The following CAPRIN1 variants were observed in gnomAD, a reference collection of about 807,000 sequenced individuals.
CAPRIN1 encodes the protein cell cycle associated protein 1.
Under a neutral mutation model 100.9 loss-of-function variants are expected in CAPRIN1, and 29 were observed. The observed-to-expected ratio is 0.29, with a 90% CI of 0.21 to 0.39. The LOEUF is 0.39. Among genes scored for constraint, CAPRIN1 ranks in the 10% least tolerant of loss-of-function variants. The pLI is 1.00. For missense variants in CAPRIN1, 795 were observed against 876.7 expected (o/e 0.91, Z 1.18); for synonymous variants, 338 against 307.5 (o/e 1.10, Z -1.04).
intron 2 of CAPRIN1, among the ~76,000 whole-genome samples, chr11:34,071,121 G>T (rs752114742): frequency 4.6e-5 from 7 of 152,160 alleles, no homozygotes; most frequent in Non-Finnish European, 1.0e-4. Context: ...TAACCAAATT[G>T]TGGCCCTTAC....
chr11:34,061,578 C>G (rs567478676), intron 2 of CAPRIN1, among the ~76,000 whole-genome samples: 7 of 152,152 alleles, frequency 4.6e-5, no homozygotes, highest in African/African-American at 1.7e-4. Flanking sequence ...CATTCAGCCT[C>G]TGCTTTAACC....
chr11:34,079,947 A>C (rs1209808593), intron 7 of CAPRIN1, among the ~76,000 whole-genome samples, 182 bp downstream of exon 7: 2 of 120,438 alleles, frequency 1.7e-5, no homozygotes, highest in Non-Finnish European at 3.2e-5. Flanking sequence ...TTTTGGAGAC[A>C]GAGTCTCGCT....
intron 2 of CAPRIN1, among the ~76,000 whole-genome samples, chr11:34,058,192 A>G (rs938727232): frequency 1.2e-4 from 19 of 152,190 alleles, no homozygotes; most frequent in Admixed American, 6.5e-5. Flanking sequence ...ACTGGAGTGC[A>G]GTGGTGCAAT....
intron 7 of CAPRIN1, among the ~76,000 whole-genome samples, chr11:34,080,583 AATT>A (rs1471480851): frequency 6.6e-6 from 1 of 152,220 alleles, no homozygotes; most frequent in Admixed American, 6.5e-5. Flanking sequence ...GCACAACACT[AATT>A]ATATAGCTAG....
chr11:34,085,579 G>A (rs1220048921), intron 9 of CAPRIN1, among the ~76,000 whole-genome samples: 4 of 152,296 alleles, frequency 2.6e-5, no homozygotes, highest in Admixed American at 1.3e-4. Flanking sequence ...CAAGGCGGGT[G>A]GGTCACAAGG....
chr11:34,056,527 A>G (rs1219785950), intron 2 of CAPRIN1: 1 of 152,148 alleles, frequency 6.6e-6, no homozygotes, highest in African/African-American at 2.4e-5. Flanking sequence ...GAGAAGAAAT[A>G]CAGCTGTGAT....
intron 2 of CAPRIN1, chr11:34,063,500 T>C (rs1022967540): frequency 3.9e-5 from 6 of 152,212 alleles, no homozygotes; most frequent in Non-Finnish European, 8.8e-5. Context: ...TTAAAAGCAG[T>C]AAAGAAACAG....
chr11:34,086,524 AC>A (rs1428664491), intron 11 of CAPRIN1, 111 bp downstream of exon 11: 4 of 606,928 alleles, frequency 6.6e-6, no homozygotes, highest in Middle Eastern at 3.3e-4. Flanking sequence ...TTTAATTTTG[AC>A]TCTTAGGTCT....
At chr11:34,087,288 G>A (rs17777985) in intron 11 of CAPRIN1, among the ~76,000 whole-genome samples, 7,209 of 145,308 alleles carry the variant, frequency 0.05, 387 homozygotes, top group Non-Finnish European at 0.072. Context: ...GTGTAAGGTA[G>A]TTAGGATTTT....
At chr11:34,063,636 G>C (rs1045373946) in intron 2 of CAPRIN1, among the ~76,000 whole-genome samples, 3 of 152,102 alleles carry the variant, frequency 2.0e-5, no homozygotes, top group African/African-American at 7.2e-5. Flanking sequence ...GGGTAATCTG[G>C]GAAATGGCCT....
At chr11:34,058,836 G>A (rs1198614550) in intron 2 of CAPRIN1, among the ~76,000 whole-genome samples, 8 of 152,138 alleles carry the variant, frequency 5.3e-5, no homozygotes, top group Admixed American at 6.5e-5. Flanking sequence ...GTTGTAGACC[G>A]GAAAAATCTG....
chr11:34,072,150 G>A (rs1850814522), intron 4 of CAPRIN1, among the ~76,000 whole-genome samples, 163 bp downstream of exon 4: 1 of 152,004 alleles, frequency 6.6e-6, no homozygotes, highest in Non-Finnish European at 1.5e-5. Flanking sequence ...ACACCTGAAA[G>A]ATGTCTTTTA....
chr11:34,079,267 G>A (rs1032230875), intron 6 of CAPRIN1, among the ~76,000 whole-genome samples: 5 of 152,128 alleles, frequency 3.3e-5, no homozygotes, highest in African/African-American at 1.2e-4. Flanking sequence ...GGACGTGGTG[G>A]TACACGCCTG....
intron 15 of CAPRIN1, among the ~76,000 whole-genome samples, chr11:34,095,622 T>A (rs1489933854): frequency 2.0e-5 from 3 of 152,270 alleles, no homozygotes; most frequent in Admixed American, 6.5e-5. Flanking sequence ...CAGCAGCTTC[T>A]GACCCTTGTT....
At chr11:34,066,328 T>TTTAG (rs1479968873) in intron 2 of CAPRIN1, among the ~76,000 whole-genome samples, 2 of 151,462 alleles carry the variant, frequency 1.3e-5, no homozygotes, top group African/African-American at 4.9e-5. Flanking sequence ...TTTATTTTTA[T>TTTAG]TTATTTATTT....
At chr11:34,075,232 T>C (rs1010290966) in intron 4 of CAPRIN1, among the ~76,000 whole-genome samples, 2 of 152,118 alleles carry the variant, frequency 1.3e-5, no homozygotes. Context: ...CAGGTCTCCT[T>C]CCCCATTTTT....
intron 15 of CAPRIN1, among the ~76,000 whole-genome samples, chr11:34,092,583 CT>C (rs1180019926): frequency 1.3e-5 from 2 of 152,096 alleles, no homozygotes; most frequent in African/African-American, 4.8e-5. Context: ...TTGTCTTGAA[CT>C]TCTGAGCTCA....
At position 34,090,565 on chromosome 11, in the gene CAPRIN1, T is replaced by G. The variant is rs1256333855; in HGVS notation, c.1441T>G (p.Ser481Ala). The change falls in exon 14 of 19, where the codon TCA becomes GCA. Residue 481 changes from serine to alanine, a missense_variant. Physicochemically the swap from Ser to Ala is moderately conservative, Grantham distance 99. Transcript: ENST00000341394. ...ISLNTDQTTA[S>A]SSLPAASQPQ... ...TTTAAATACAGACCAGACTACAGCATCATCATCCCTTCCTGCTGCGTCTCA... is the reference window on the plus strand; with the variant it reads ...TTTAAATACAGACCAGACTACAGCAGCATCATCCCTTCCTGCTGCGTCTCA... 6.2e-6 allele frequency: 10 copies of G among 1,614,154 alleles called. No individual in the cohort carries two copies. The highest frequency in any genetic ancestry group is 1.7e-5 in the Admixed American group (1 of 60,020).
chr11:34,084,492 G>A (rs1554970852), intron 9 of CAPRIN1, among the ~76,000 whole-genome samples: 6 of 152,200 alleles, frequency 3.9e-5, no homozygotes, highest in Non-Finnish European at 8.8e-5. Flanking sequence ...ATTTACAGTT[G>A]TTCCTTGTTA....
Sources: allele counts gnomAD v4.1 joint callset (sites outside exome capture counted in the v4.1 genomes callset), GRCh38; gene constraint gnomAD v4.1.1; transcripts MANE v1.5; gene names NCBI Gene and HGNC (gene_info 2026-07-23, HGNC 2026-07-21).